Variants in WAC observed in about 807,000 individuals in gnomAD.
WAC encodes the protein WW domain containing adaptor with coiled-coil.
Under a neutral mutation model 79.6 loss-of-function variants are expected in WAC, and 11 were observed. The ratio of observed to expected loss-of-function variants is 0.14; its 90% confidence interval spans 0.09 to 0.23. The LOEUF (loss-of-function observed/expected upper bound fraction) is 0.23, where lower values mean the gene tolerates loss of function less well. Among genes scored for constraint, WAC ranks in the 10% least tolerant of loss-of-function variants. The pLI is 1.00. For missense variants in WAC, 728 were observed against 773.5 expected, an observed-to-expected ratio of 0.94 and a Z score of 0.70; for synonymous variants, 304 against 276.9, an observed-to-expected ratio of 1.10 and a Z score of -0.97.
intron 3 of WAC, among the ~76,000 whole-genome samples, chr10:28,568,170 C>G (rs1294856647): frequency 6.6e-6 from 1 of 152,172 alleles, no homozygotes; most frequent in Non-Finnish European, 1.5e-5. Context: ...TTATAGAGGG[C>G]AAATACAGAA....
At chr10:28,615,993 T>G in intron 11 of WAC, 180 bp from the exon 12 acceptor site, 1 of 478,308 alleles carries the variant, frequency 2.1e-6, no homozygotes, top group Non-Finnish European at 3.6e-6. Context: ...CCCCCTAAAG[T>G]GTTTTGAGGA....
intron 3 of WAC, among the ~76,000 whole-genome samples, chr10:28,548,334 T>A (rs1374155969): frequency 6.6e-6 from 1 of 152,206 alleles, no homozygotes; most frequent in Non-Finnish European, 1.5e-5. Context: ...TCTTCTCTTT[T>A]ACTTGTTTCT....
chr10:28,534,128 G>C, intron 2 of WAC, 94 bp downstream of exon 2: 4 of 1,241,636 alleles, frequency 3.2e-6, no homozygotes, highest in Non-Finnish European at 4.4e-6. Context: ...GTCGATACAG[G>C]CCCTTCGGTG....
rs1841721724 is a variant in WAC at position 28,622,334 on chromosome 10, A to G, written c.*2728A>G. The G allele has an allele frequency of 7.4e-6, 1 of 135,354 alleles. No individual in the cohort carries two copies. The highest frequency in any genetic ancestry group is 1.5e-5 in the Non-Finnish European group (1 of 64,874). 8.4% of individuals were successfully genotyped at this position (135,354 alleles called of 1,614,324 possible). A position where few individuals can be genotyped will look rare whatever the true frequency, so the allele number is the denominator to read the frequency against. ...TAGAGTATTCCTTATCTAGTTGGTT[A>G]TGGATTTGAACATGTACCTTGGTTT... On this transcript the variant is annotated 3_prime_UTR_variant, in exon 14 of 14. Coordinates refer to ENST00000354911, the MANE Select transcript of WAC (RefSeq NM_016628.5).
intron 4 of WAC, 22 bp downstream of exon 4, chr10:28,583,527 A>C: frequency 9.1e-6 from 13 of 1,425,772 alleles, no homozygotes; most frequent in Non-Finnish European, 1.2e-5. Flanking sequence ...AAACATGTCC[A>C]ATATGGTTTC....
Position 28,621,247 on chromosome 10 carries a change from G to C in WAC, c.*1641G>C, listed in dbSNP as rs1372190143. On this transcript the variant is annotated 3_prime_UTR_variant, in exon 14 of 14. Coordinates refer to ENST00000354911, the MANE Select transcript of WAC (RefSeq NM_016628.5). The stretch of plus-strand genomic sequence containing the variant: ...TTTTTTTTTTTTTTCTGTTGGGGCA[G>C]ATAAGTGCTTCCAAAACTGGCAGCA... The C allele has an allele frequency of 7.9e-6, 1 of 126,402 alleles. No individual in the cohort carries two copies. Among genetic ancestry groups the C allele is most frequent in the Non-Finnish European group, 1.6e-5 (1 of 63,524 alleles). 7.8% of individuals were successfully genotyped at this position (126,402 alleles called of 1,614,324 possible). A position where few individuals can be genotyped will look rare whatever the true frequency, so the allele number is the denominator to read the frequency against.
At chr10:28,615,919 T>G (rs1472366834) in intron 11 of WAC, 13 of 357,416 alleles carry the variant, frequency 3.6e-5, no homozygotes, top group Non-Finnish European at 5.5e-5. Context: ...GTTAACAGGT[T>G]CTGCTCTCAG....
At chr10:28,585,499 T>G (rs1017409904) in intron 4 of WAC, among the ~76,000 whole-genome samples, 1 of 151,972 alleles carries the variant, frequency 6.6e-6, no homozygotes, top group Non-Finnish European at 1.5e-5. Context: ...CCTTCACGCG[T>G]GCTATCGTCA....
At chr10:28,605,400 T>C (rs188222521) in intron 7 of WAC, among the ~76,000 whole-genome samples, 3 of 152,340 alleles carry the variant, frequency 2.0e-5, no homozygotes, top group Non-Finnish European at 2.9e-5. Flanking sequence ...TTTTTAACTT[T>C]AGAAGTGATT....
chr10:28,582,418 T>C (rs558550437), intron 3 of WAC, among the ~76,000 whole-genome samples: 57 of 152,352 alleles, frequency 3.7e-4, no homozygotes, highest in African/African-American at 1.3e-3. Flanking sequence ...TTTAGTTGTT[T>C]CTATTGATTG....
intron 7 of WAC, among the ~76,000 whole-genome samples, chr10:28,603,961 G>GTATATATATA (rs71391054): frequency 2.9e-3 from 61 of 20,878 alleles, no homozygotes; most frequent in African/African-American, 5.1e-3. Flanking sequence ...ATGTATGTAT[G>GTATATATATA]TATATATATA....
chr10:28,549,938 A>G lies in WAC; in HGVS notation c.274+14181A>G, dbSNP rs541265971. Among the ~76,000 whole-genome samples, 53 of 152,208 alleles carry G rather than the reference A, an allele frequency of 3.5e-4. No homozygotes were observed. In the East Asian group the frequency reaches 6.9e-3, roughly 20 times the overall value. ...CCAGCAGTTTGAGGTCCCGAGGTGG[A>G]TGGATCACGAGGTCAGAAATTCAAG... On this transcript the variant is annotated intron_variant, in intron 3 of 13. Coordinates refer to ENST00000354911, the MANE Select transcript of WAC (RefSeq NM_016628.5).
chr10:28,586,098 G>A (rs755556956), intron 4 of WAC, among the ~76,000 whole-genome samples: 51 of 152,276 alleles, frequency 3.3e-4, no homozygotes, highest in Admixed American at 1.1e-3. Context: ...TAGTGGGAAT[G>A]ATACAAACAG....
intron 3 of WAC, among the ~76,000 whole-genome samples, chr10:28,582,958 TA>T (rs1839616740): frequency 6.6e-6 from 1 of 152,086 alleles, no homozygotes. Flanking sequence ...AAAAGGCAAA[TA>T]GGGGAAACTG....
intron 12 of WAC, among the ~76,000 whole-genome samples, chr10:28,616,929 A>G (rs1841493183): frequency 6.6e-6 from 1 of 152,184 alleles, no homozygotes; most frequent in African/African-American, 2.4e-5. Flanking sequence ...CCACAAGTAT[A>G]AAAATTAGCC....
Position 28,595,921 on chromosome 10 carries a change from C to A in WAC, c.799C>A (p.Pro267Thr). The A allele has an allele frequency of 6.2e-7, 1 of 1,614,138 alleles. No individual in the cohort carries two copies. Among genetic ancestry groups the A allele is most frequent in the South Asian group, 1.1e-5 (1 of 91,082 alleles). ...TATPSTVPSS[P>T]FTLQSDHQPK... ...TACCCCAAGCACTGTTCCTTCTAGT[C>A]CATTTACGCTACAGTCTGATCACCA... The change falls in exon 7 of 14, where the codon CCA (proline) becomes ACA (threonine). Residue 267 changes from proline to threonine, a missense_variant. Pro to Thr is a conservative substitution (Grantham distance 38). Coordinates refer to ENST00000354911, the MANE Select transcript of WAC (RefSeq NM_016628.5).
At position 28,583,829 on chromosome 10, in the gene WAC, G is replaced by A. The variant is rs558653904; in HGVS notation, c.381+324G>A. 3.5e-4 allele frequency among the ~76,000 whole-genome samples: 53 copies of A among 152,250 alleles called. No homozygotes were observed. The East Asian group carries it at 6.8e-3, about 19-fold the overall frequency. ...CTGAAACTTCTTTAAAGTGGTCTAA[G>A]TTAAGCTTACTTTCTTTCCATAGTG... On this transcript the variant is annotated intron_variant, in intron 4 of 13. Transcript: ENST00000354911.
chr10:28,614,037 T>C (rs766889521), intron 10 of WAC, among the ~76,000 whole-genome samples: 2 of 152,068 alleles, frequency 1.3e-5, no homozygotes, highest in African/African-American at 2.4e-5. Context: ...TTTATTGATA[T>C]AAAAGTAACA....
chr10:28,535,630 C>T lies in WAC; in HGVS notation c.147C>T (p.Ala49=), dbSNP rs768204461. 11 of 1,613,948 alleles carry T rather than the reference C, an allele frequency of 6.8e-6. No homozygotes were observed. Among genetic ancestry groups the T allele is most frequent in the Admixed American group, 1.7e-5 (1 of 60,010 alleles). ...GDHRHEKMRD[A]GDPSPPNKML... ...ACAGACATGAAAAGATGCGAGACGCCGGAGATCCTTCACCACCAAATAAAA... is the reference window on the plus strand; with the variant it reads ...ACAGACATGAAAAGATGCGAGACGCTGGAGATCCTTCACCACCAAATAAAA... The change falls in exon 3 of 14, where the codon GCC becomes GCT. Residue 49 remains alanine (A), a synonymous_variant. Transcript: ENST00000354911.
Sources: allele counts gnomAD v4.1 joint callset (sites outside exome capture counted in the v4.1 genomes callset), GRCh38; gene constraint gnomAD v4.1.1; transcripts MANE v1.5; gene names NCBI Gene and HGNC (gene_info 2026-07-23, HGNC 2026-07-21).